FMN1: variants seen among roughly 807,000 people sequenced by gnomAD.
The protein encoded by FMN1 is formin 1, also known as formin-1.
FMN1 carries 110 observed loss-of-function variants against 132.4 expected under a neutral mutation model. That is an observed-to-expected ratio of 0.83 (90% CI 0.71 to 0.97). The LOEUF (loss-of-function observed/expected upper bound fraction) is 0.97. Ranked by LOEUF, FMN1 falls within the 50% of genes least tolerant of loss-of-function variation. FMN1 has a pLI of 0.00. For missense variants in FMN1, 1,792 were observed against 1,705.3 expected (o/e 1.05, Z -0.90); for synonymous variants, 722 against 651.7 (o/e 1.11, Z -1.64).
intron 6 of FMN1, among the ~76,000 whole-genome samples, chr15:33,048,747 G>A (rs533769821): frequency 8.6e-5 from 13 of 151,994 alleles, no homozygotes; most frequent in African/African-American, 2.4e-4. Flanking sequence ...CATGGATGGC[G>A]GCAGGCAAAG....
At chr15:33,058,196 C>T (rs1156913452) in intron 6 of FMN1, among the ~76,000 whole-genome samples, 1 of 151,854 alleles carries the variant, frequency 6.6e-6, no homozygotes, top group Non-Finnish European at 1.5e-5. Context: ...TGGTGGCTGG[C>T]AATAGATGGA....
chr15:32,907,062 C>G (rs973733754), intron 12 of FMN1, among the ~76,000 whole-genome samples: 2 of 152,192 alleles, frequency 1.3e-5, no homozygotes, highest in Admixed American at 6.5e-5. Context: ...TCTAGAGCAG[C>G]TGTGCCCAAC....
intron 17 of FMN1, among the ~76,000 whole-genome samples, chr15:32,845,783 A>G (rs2058841533): frequency 6.6e-6 from 1 of 152,226 alleles, no homozygotes; most frequent in South Asian, 2.1e-4. Flanking sequence ...GGAAATTTTC[A>G]GTATATTGGT....
intron 4 of FMN1, chr15:33,106,025 C>CT (rs369944673): frequency 4.6e-5 from 7 of 152,146 alleles, no homozygotes; most frequent in African/African-American, 1.7e-4. Flanking sequence ...CATGATTGTT[C>CT]TGCCTTCTCT....
chr15:32,819,679 GA>G (rs1486094624), intron 17 of FMN1, among the ~76,000 whole-genome samples: 2 of 151,532 alleles, frequency 1.3e-5, no homozygotes, highest in Admixed American at 6.6e-5. Flanking sequence ...TGACTGATAG[GA>G]AAAAAATTCC....
intron 6 of FMN1, among the ~76,000 whole-genome samples, chr15:33,034,679 T>A (rs116336542): frequency 0.49 from 73,946 of 151,992 alleles, 18,447 homozygotes; most frequent in Middle Eastern, 0.53. Flanking sequence ...AATCTGATTT[T>A]TTTTTTACTA....
At chr15:32,930,110 C>T (rs894318650) in intron 9 of FMN1, among the ~76,000 whole-genome samples, 1 of 151,108 alleles carries the variant, frequency 6.6e-6, no homozygotes, top group African/African-American at 2.4e-5. Context: ...CTGCCTCAGC[C>T]TCCCAAGTAG....
chr15:33,153,464 T>A lies in FMN1; in HGVS notation c.1451A>T (p.Gln484Leu), dbSNP rs1389176494. 6.5e-7 allele frequency: 1 copy of A among 1,536,740 alleles called. No homozygotes were observed. The highest frequency in any genetic ancestry group is 2.4e-5 in the East Asian group (1 of 40,920). The change falls in exon 4 of 21, where the codon CAA becomes CTA. Residue 484 changes from glutamine to leucine, a missense_variant. Gln to Leu is a moderately radical substitution (Grantham distance 113, BLOSUM62 -2). Coordinates refer to ENST00000616417, the MANE Select transcript of FMN1 (RefSeq NM_001277313.2). Reference protein sequence around the residue: ...LPHKVGPDSSQPRGDKKKPSP... With the variant: ...LPHKVGPDSSLPRGDKKKPSP... ...TGGCTTCTTCTTATCACCTCTGGGT[T>A]GTGAGGAGTCAGGACCTACTTTGTG...
intron 19 of FMN1, among the ~76,000 whole-genome samples, chr15:32,798,180 ACAC>A (rs767968301): frequency 0.022 from 3,321 of 148,924 alleles, 60 homozygotes; most frequent in South Asian, 0.034. Context: ...AGGAAAACGC[ACAC>A]ACACACACAC....
At position 33,079,383 on chromosome 15, in the gene FMN1, AG is replaced by A. The variant is rs545873576; in HGVS notation, c.2043+9415del. On this transcript the variant is annotated intron_variant, in intron 5 of 20. Transcript: ENST00000616417. ...ATGCCTATAATCCCAGCACGCAGGA[AG>A]GCTGAGGGAGGGAGGATCACCTGAG... Among the ~76,000 whole-genome samples, 671 of 152,366 alleles carry A rather than the reference AG, an allele frequency of 4.4e-3. 4 individuals are homozygous for A. Among genetic ancestry groups the A allele is most frequent in the Non-Finnish European group, 7.4e-3 (501 of 68,034 alleles).
In FMN1 at chr15:32,774,237, A is replaced by C. The variant is rs1415552594; in HGVS notation, c.*73T>G. The stretch of plus-strand genomic sequence containing the variant: ...GACACATCTTTCAAGAACGTCCTGC[A>C]ACCCTGTGGTCACAAAGAGTATGCG... On this transcript the variant is annotated 3_prime_UTR_variant, in exon 21 of 21. Coordinates refer to ENST00000616417, the MANE Select transcript of FMN1 (RefSeq NM_001277313.2). 8.5e-7 allele frequency: 1 copy of C among 1,175,316 alleles called. No individual in the cohort carries two copies. The highest frequency in any genetic ancestry group is 1.5e-5 in the African/African-American group (1 of 65,572). 72.8% of individuals were successfully genotyped at this position (1,175,316 alleles called of 1,614,324 possible).
intron 9 of FMN1, among the ~76,000 whole-genome samples, chr15:32,926,888 G>C (rs566727851): frequency 6.6e-6 from 1 of 152,272 alleles, no homozygotes; most frequent in Admixed American, 6.5e-5. Flanking sequence ...GGGTTTAAGT[G>C]ATTCTCCTGC....
At chr15:32,828,379 G>A (rs547564112) in intron 17 of FMN1, among the ~76,000 whole-genome samples, 1 of 152,324 alleles carries the variant, frequency 6.6e-6, no homozygotes, top group South Asian at 2.1e-4. Flanking sequence ...CTGTAGTGCA[G>A]AATGTCAGAA....
At position 32,893,112 on chromosome 15, in the gene FMN1, C is replaced by T. The variant is rs551434506; in HGVS notation, c.3715-4820G>A. The stretch of plus-strand genomic sequence containing the variant: ...TCCTCTTGACCCTTCCTCTTTAAGG[C>T]CATTAGCTTTGTTAGGGATACTAGG... On this transcript the variant is annotated intron_variant, in intron 15 of 20. Transcript: ENST00000616417. Among the ~76,000 whole-genome samples, 5 of 152,326 alleles carry T rather than the reference C, an allele frequency of 3.3e-5. No individual in the cohort carries two copies. The East Asian group carries it at 9.6e-4, about 29-fold the overall frequency.
chr15:32,974,140 A>G (rs1346626045), intron 7 of FMN1, among the ~76,000 whole-genome samples: 1 of 152,204 alleles, frequency 6.6e-6, no homozygotes, highest in African/African-American at 2.4e-5. Context: ...TGTGCTTGTA[A>G]GCAGTATCCA....
At position 33,120,812 on chromosome 15, in the gene FMN1, T is replaced by C. The variant is rs147524087; in HGVS notation, c.1868-31838A>G. The stretch of plus-strand genomic sequence containing the variant: ...TTAATCCTATGAACATTCTTGCATG[T>C]TTATGTATTTTTAAAAGTATTTCTT... On this transcript the variant is annotated intron_variant, in intron 4 of 20. Coordinates refer to ENST00000616417, the MANE Select transcript of FMN1 (RefSeq NM_001277313.2). Among the ~76,000 whole-genome samples, 271 of 151,322 alleles carry C rather than the reference T, an allele frequency of 1.8e-3. 1 individual carries two copies. Among genetic ancestry groups the C allele is most frequent in the African/African-American group, 6.4e-3 (261 of 40,610 alleles).
At chr15:32,859,315 C>A (rs1437553735) in intron 16 of FMN1, among the ~76,000 whole-genome samples, 1 of 152,138 alleles carries the variant, frequency 6.6e-6, no homozygotes, top group Non-Finnish European at 1.5e-5. Context: ...ACTTCGGGGA[C>A]TTGGATTATT....
chr15:33,018,606 C>T (rs1211776997), intron 6 of FMN1, among the ~76,000 whole-genome samples: 3 of 152,196 alleles, frequency 2.0e-5, no homozygotes, highest in Non-Finnish European at 4.4e-5. Context: ...GTACCTTGTC[C>T]TATGCATCTC....
At chr15:33,056,077 G>T (rs951930513) in intron 6 of FMN1, among the ~76,000 whole-genome samples, 1 of 152,172 alleles carries the variant, frequency 6.6e-6, no homozygotes, top group Admixed American at 6.5e-5. Context: ...GGAGTAACCA[G>T]CACTGTCATA....
Sources: gnomAD v4.1 joint callset for allele counts (sites outside exome capture counted in the v4.1 genomes callset) on GRCh38, gnomAD v4.1.1 for gene constraint, MANE v1.5 for transcripts, NCBI Gene and HGNC (gene_info 2026-07-23, HGNC 2026-07-21) for gene names.